SYCP1: variants seen among roughly 807,000 people sequenced by gnomAD.
SYCP1 encodes the protein cancer/testis antigen 8.
SYCP1 carries 64 observed loss-of-function variants against 153.1 expected under a neutral mutation model. The ratio of observed to expected loss-of-function variants is 0.42; its 90% CI spans 0.34 to 0.51. The LOEUF (loss-of-function observed/expected upper bound fraction) is 0.51, where lower values mean the gene tolerates loss of function less well. Among genes scored for constraint, SYCP1 ranks in the 20% least tolerant of loss-of-function variants. The probability of loss-of-function intolerance (pLI) is 0.06; values close to 1 mark genes in which losing one functional copy is unlikely to be tolerated. For missense variants in SYCP1, 997 were observed against 1,049.0 expected (o/e 0.95, Z 0.68); for synonymous variants, 384 against 341.8 (o/e 1.12, Z -1.36).
At chr1:114,908,046 G>A (rs2101656428) in intron 16 of SYCP1, among the ~76,000 whole-genome samples, 1 of 152,036 alleles carries the variant, frequency 6.6e-6, no homozygotes, top group Non-Finnish European at 1.5e-5. Flanking sequence ...GAAGATCCAC[G>A]TTTACCTCTA....
rs768362133 is a variant in SYCP1 at position 114,981,498 on chromosome 1, A to G, written c.2545A>G (p.Thr849Ala). Residue 849 changes from threonine to alanine, a missense_variant, in exon 29 of 32, where the codon ACA (threonine) becomes GCA (alanine). Coordinates refer to ENST00000369522, the MANE Select transcript of SYCP1 (RefSeq NM_003176.4). The stretch of plus-strand genomic sequence containing the variant: ...GACATCTGCCAAAAATACTTTATCT[A>G]CACCATTGCCAAAGGTTTGTGTCTA... ...LWTSAKNTLSTPLPKAYTVKT... is the reference protein window; with the variant it reads ...LWTSAKNTLSAPLPKAYTVKT... The G allele has an allele frequency of 1.3e-6, 2 of 1,588,608 alleles. No homozygotes were observed. The highest frequency in any genetic ancestry group is 1.7e-6 in the Non-Finnish European group (2 of 1,173,206).
intron 15 of SYCP1, among the ~76,000 whole-genome samples, chr1:114,891,995 C>T (rs80351686): frequency 0.031 from 4,762 of 152,170 alleles, 124 homozygotes; most frequent in Non-Finnish European, 0.042. Flanking sequence ...CTGTGTGGGC[C>T]AGTCCGCAGG....
chr1:114,932,560 C>T (rs1669702553), intron 23 of SYCP1, among the ~76,000 whole-genome samples: 1 of 152,156 alleles, frequency 6.6e-6, no homozygotes, highest in Admixed American at 6.5e-5. Flanking sequence ...GCTTGTCGGA[C>T]AGTGGGTGCA....
intron 8 of SYCP1, among the ~76,000 whole-genome samples, chr1:114,866,757 TA>T (rs60026212): frequency 7.5e-4 from 109 of 145,780 alleles, no homozygotes; most frequent in East Asian, 1.8e-3. Context: ...GGATTGTATC[TA>T]AAAAAAAAAA....
chr1:114,992,624 TA>T (rs1475060250), intron 30 of SYCP1, among the ~76,000 whole-genome samples: 2 of 151,526 alleles, frequency 1.3e-5, no homozygotes, highest in East Asian at 3.9e-4. Context: ...TTATATCATA[TA>T]AAAAATGACT....
chr1:114,856,667 T>A lies in SYCP1; in HGVS notation c.193+10T>A, dbSNP rs770350136. On this transcript the variant is annotated intron_variant, in intron 3 of 31. Coordinates refer to ENST00000369522, the MANE Select transcript of SYCP1 (RefSeq NM_003176.4). ...GAAAACATTGATTCAGGTAGGAGCA[T>A]GGAAAAGCAGTGTATCAGCTTATAT... 1 of 1,599,526 alleles carries A rather than the reference T, an allele frequency of 6.3e-7. No homozygotes were observed. Among genetic ancestry groups the A allele is most frequent in the South Asian group, 1.1e-5 (1 of 89,184 alleles).
intron 27 of SYCP1, among the ~76,000 whole-genome samples, chr1:114,952,833 A>G (rs1178819480): frequency 6.6e-6 from 1 of 152,212 alleles, no homozygotes; most frequent in Non-Finnish European, 1.5e-5. Context: ...AATTCTTTAT[A>G]TAATGTAATT....
At chr1:114,882,712 A>G (rs541623283) in intron 12 of SYCP1, among the ~76,000 whole-genome samples, 23 of 152,134 alleles carry the variant, frequency 1.5e-4, no homozygotes, top group Non-Finnish European at 2.8e-4. Flanking sequence ...GGAATAAGTT[A>G]AGGCCTGCTT....
intron 27 of SYCP1, among the ~76,000 whole-genome samples, chr1:114,972,297 C>G (rs1029663813): frequency 4.0e-5 from 6 of 151,574 alleles, no homozygotes; most frequent in Non-Finnish European, 8.8e-5. Context: ...TTATTTGAGG[C>G]CTCTCTCTTT....
At chr1:114,879,380 T>C (rs1233588538) in intron 12 of SYCP1, among the ~76,000 whole-genome samples, 2 of 152,214 alleles carry the variant, frequency 1.3e-5, no homozygotes, top group African/African-American at 4.8e-5. Flanking sequence ...CTATATGATA[T>C]ACTCCAGATA....
intron 12 of SYCP1, among the ~76,000 whole-genome samples, chr1:114,884,766 T>G (rs1222352859): frequency 6.6e-6 from 1 of 152,178 alleles, no homozygotes; most frequent in East Asian, 1.9e-4. Flanking sequence ...ACATGCCAGG[T>G]GGGAAAAGTA....
chr1:114,905,409 A>C lies in SYCP1; in HGVS notation c.1321-4988A>C, dbSNP rs918115682. On this transcript the variant is annotated intron_variant, in intron 16 of 31. Coordinates refer to ENST00000369522, the MANE Select transcript of SYCP1 (RefSeq NM_003176.4). ...GTTAACCCCCAGACCCAAGGATTAT[A>C]TACCTTAGAGGAGGGGTACATGTGC... 3.9e-4 allele frequency among the ~76,000 whole-genome samples: 59 copies of C among 152,230 alleles called. 1 individual carries two copies. Among genetic ancestry groups the C allele is most frequent in the Admixed American group, 2.0e-4 (3 of 15,288 alleles).
At chr1:114,898,621 T>C (rs1264013322) in intron 16 of SYCP1, among the ~76,000 whole-genome samples, 1 of 152,346 alleles carries the variant, frequency 6.6e-6, no homozygotes, top group Non-Finnish European at 1.5e-5. Context: ...GACAAATGTA[T>C]GATAAATTTT....
chr1:114,887,386 C>G (rs113334939), intron 14 of SYCP1, among the ~76,000 whole-genome samples: 1 of 151,782 alleles, frequency 6.6e-6, no homozygotes, highest in African/African-American at 2.4e-5. Flanking sequence ...ATACCATAAG[C>G]TTTAAGGTAT....
rs753704419 is a variant in SYCP1, at chr1:114,876,824, C to A, written c.801+14C>A. 7.7e-5 allele frequency: 104 copies of A among 1,351,636 alleles called. No individual in the cohort carries two copies. Among genetic ancestry groups the A allele is most frequent in the Non-Finnish European group, 9.7e-5 (101 of 1,037,606 alleles). The allele number at this position is 1,351,636 out of a possible 1,614,324, so 83.7% of individuals were successfully genotyped here. Reference sequence around the variant, plus strand: ...AAGGAAAAGCAGGTTTTTTAAAAAACCAACTCTTTGTATTCTTTATATTTG... The same window carrying A: ...AAGGAAAAGCAGGTTTTTTAAAAAAACAACTCTTTGTATTCTTTATATTTG... On this transcript the variant is annotated intron_variant, in intron 11 of 31. Coordinates refer to ENST00000369522, the MANE Select transcript of SYCP1 (RefSeq NM_003176.4).
At chr1:114,862,060 C>T (rs201979972) in intron 8 of SYCP1, among the ~76,000 whole-genome samples, 11 of 152,030 alleles carry the variant, frequency 7.2e-5, no homozygotes, top group African/African-American at 2.7e-4. Flanking sequence ...CTCAGCCTCT[C>T]AAAATGCTGG....
chr1:114,895,494 A>G lies in SYCP1; in HGVS notation c.1305A>G (p.Glu435=). The G allele has an allele frequency of 6.6e-7, 1 of 1,522,184 alleles. No individual in the cohort carries two copies. The highest frequency in any genetic ancestry group is 8.9e-7 in the Non-Finnish European group (1 of 1,117,528). 94.3% of individuals were successfully genotyped at this position (1,522,184 alleles called of 1,614,324 possible). A position where few individuals can be genotyped will look rare whatever the true frequency, so the allele number is the denominator to read the frequency against. The change falls in exon 16 of 32, where the codon GAA becomes GAG. Residue 435 remains glutamate (E), a synonymous_variant. Coordinates refer to ENST00000369522, the MANE Select transcript of SYCP1 (RefSeq NM_003176.4). ...ATAACAAAGAAGTAGAACTTGAAGA[A>G]TTGAAAAAAGTCTTGGTAAGTATAG... ...LTNNKEVELE[E]LKKVLGEKET...
intron 8 of SYCP1, 33 bp downstream of exon 8, chr1:114,860,842 C>G: frequency 6.7e-7 from 1 of 1,488,866 alleles, no homozygotes; most frequent in Non-Finnish European, 9.0e-7. Context: ...GTGATTTTAT[C>G]AATTTATTTT....
chr1:114,916,977 A>G (rs1668545988), intron 20 of SYCP1, among the ~76,000 whole-genome samples: 1 of 152,086 alleles, frequency 6.6e-6, no homozygotes, highest in Non-Finnish European at 1.5e-5. Context: ...CATCACTTTA[A>G]GCATTTATCC....
Sources: allele counts gnomAD v4.1 joint callset (sites outside exome capture counted in the v4.1 genomes callset), GRCh38; gene constraint gnomAD v4.1.1; transcripts MANE v1.5; gene names NCBI Gene and HGNC (gene_info 2026-07-23, HGNC 2026-07-21).